The following MSRA variants were observed in gnomAD, a reference collection of about 807,000 sequenced individuals.
The protein encoded by MSRA is mitochondrial peptide methionine sulfoxide reductase.
Under a neutral mutation model 31.3 loss-of-function variants are expected in MSRA, and 54 were observed. That is an observed-to-expected ratio of 1.73 (90% CI 1.39 to 2.17). The LOEUF (loss-of-function observed/expected upper bound fraction) is 2.17. Among genes scored for constraint, MSRA ranks in the 30% most tolerant of loss-of-function variants. The pLI is 0.00. For missense variants in MSRA, 507 were observed against 300.9 expected, an observed-to-expected ratio of 1.69 and a Z score of -5.07; for synonymous variants, 169 against 116.5, an observed-to-expected ratio of 1.45 and a Z score of -2.90.
chr8:10,198,075 C>T (rs1050950823), intron 1 of MSRA, among the ~76,000 whole-genome samples: 1 of 151,764 alleles, frequency 6.6e-6, no homozygotes, highest in Admixed American at 6.6e-5. Context: ...AAAATATACC[C>T]GATAGGGGCT....
intron 1 of MSRA, among the ~76,000 whole-genome samples, chr8:10,104,125 G>A (rs1407649266): frequency 2.0e-5 from 3 of 152,074 alleles, no homozygotes; most frequent in Admixed American, 6.6e-5. Context: ...GTGGATGGGC[G>A]TTTAGGGATC....
At chr8:10,210,301 G>A (rs371923018) in intron 2 of MSRA, among the ~76,000 whole-genome samples, 1 of 152,318 alleles carries the variant, frequency 6.6e-6, no homozygotes, top group East Asian at 1.9e-4. Context: ...TTGAGCCCAA[G>A]TCTAATTGAC....
At chr8:10,151,191 C>T (rs1803636501) in intron 1 of MSRA, among the ~76,000 whole-genome samples, 1 of 147,974 alleles carries the variant, frequency 6.8e-6, no homozygotes, top group African/African-American at 2.5e-5. Context: ...CTTCACCTTC[C>T]TGGGGAGGCG....
In MSRA at chr8:10,305,409, C is replaced by CTTTTTTTTTTTT. The variant is rs549346544; in HGVS notation, c.436+3781_436+3792dup. Among the ~76,000 whole-genome samples, 303 of 122,908 alleles carry CTTTTTTTTTTTT rather than the reference C, an allele frequency of 2.5e-3. 7 individuals are homozygous for CTTTTTTTTTTTT. The highest frequency in any genetic ancestry group is 8.2e-3 in the African/African-American group (272 of 32,976). The allele number at this position is 122,908 out of a possible 152,430, so 80.6% of individuals were successfully genotyped here. The stretch of plus-strand genomic sequence containing the variant: ...GATGAAGTCCCCATGTGTTTTCTTC[C>CTTTTTTTTTTTT]TTTTTTTTTTTTTTTTTTTTTCCGG... On this transcript the variant is annotated intron_variant, in intron 4 of 5. Coordinates refer to ENST00000317173, the MANE Select transcript of MSRA (RefSeq NM_012331.5).
At chr8:10,151,692 G>A (rs573682267) in intron 1 of MSRA, among the ~76,000 whole-genome samples, 5 of 152,130 alleles carry the variant, frequency 3.3e-5, no homozygotes, top group Non-Finnish European at 7.4e-5. Context: ...CAGGAGAAAG[G>A]GCGTTGAGTG....
intron 1 of MSRA, among the ~76,000 whole-genome samples, chr8:10,100,463 G>C (rs181539565): frequency 1.3e-5 from 2 of 152,198 alleles, no homozygotes; most frequent in African/African-American, 4.8e-5. Flanking sequence ...GCAGGTATTG[G>C]GAGAAGGTCA....
At chr8:10,112,669 A>G (rs964586394) in intron 1 of MSRA, among the ~76,000 whole-genome samples, 2 of 152,384 alleles carry the variant, frequency 1.3e-5, no homozygotes. Context: ...AAGACATTCA[A>G]TTAAATATGC....
In MSRA at chr8:10,075,095, C is replaced by G. The variant is rs545814722; in HGVS notation, c.142+20437C>G. Among the ~76,000 whole-genome samples, 11 of 152,266 alleles carry G rather than the reference C, an allele frequency of 7.2e-5. No homozygotes were observed. The South Asian group carries it at 2.1e-3, about 29-fold the overall frequency. Reference sequence around the variant, plus strand: ...GGTATGCATTCATATTATTTGAAGACTTCATATATTGTCTTTTTATTTAAG... The same window carrying G: ...GGTATGCATTCATATTATTTGAAGAGTTCATATATTGTCTTTTTATTTAAG... On this transcript the variant is annotated intron_variant, in intron 1 of 5. Transcript: ENST00000317173.
At chr8:10,414,884 A>G (rs924164765) in intron 5 of MSRA, among the ~76,000 whole-genome samples, 14 of 152,246 alleles carry the variant, frequency 9.2e-5, no homozygotes, top group African/African-American at 2.4e-4. Flanking sequence ...AACCCCTCAG[A>G]GATCTATACA....
At chr8:10,081,434 C>A (rs1398978007) in intron 1 of MSRA, among the ~76,000 whole-genome samples, 1 of 152,214 alleles carries the variant, frequency 6.6e-6, no homozygotes, top group African/African-American at 2.4e-5. Flanking sequence ...ATGATTACTT[C>A]CGCCTCAAGG....
At chr8:10,160,490 A>C (rs7835070) in intron 1 of MSRA, among the ~76,000 whole-genome samples, 15,355 of 151,686 alleles carry the variant, frequency 0.1, 915 homozygotes, top group South Asian at 0.16. Context: ...GCGAGACTCC[A>C]TCTAAAAAAA....
At chr8:10,068,766 T>TC (rs1357736091) in intron 1 of MSRA, among the ~76,000 whole-genome samples, 1 of 152,150 alleles carries the variant, frequency 6.6e-6, no homozygotes, top group African/African-American at 2.4e-5. Context: ...ATTCTTTTTT[T>TC]CCCCCTTTCC....
At chr8:10,337,685 C>T (rs1311730141) in intron 5 of MSRA, 1 of 702,156 alleles carries the variant, frequency 1.4e-6, no homozygotes, top group Non-Finnish European at 2.6e-6. Flanking sequence ...CATCTTGAAC[C>T]TTATACTCCT....
chr8:10,151,870 C>T lies in MSRA; in HGVS notation c.143-55963C>T, dbSNP rs577147925. 3.3e-5 allele frequency among the ~76,000 whole-genome samples: 5 copies of T among 152,348 alleles called. No homozygotes were observed. The East Asian group carries it at 9.6e-4, about 29-fold the overall frequency. ...TCCACCCTTTAGTAAAGGCCAAGGT[C>T]ATTTAAAAGGTTACCTGGCCTTTTT... On this transcript the variant is annotated intron_variant, in intron 1 of 5. Transcript: ENST00000317173.
intron 5 of MSRA, 120 bp from the exon 6 acceptor site, chr8:10,428,028 A>T: frequency 1.9e-6 from 2 of 1,034,950 alleles, no homozygotes; most frequent in Non-Finnish European, 2.8e-6. Flanking sequence ...CCTAAAGGGG[A>T]CCCACTGCAC....
At chr8:10,088,747 G>C (rs1314340797) in intron 1 of MSRA, among the ~76,000 whole-genome samples, 1 of 152,004 alleles carries the variant, frequency 6.6e-6, no homozygotes, top group African/African-American at 2.4e-5. Context: ...GAAAAAAAAA[G>C]TCTATCAAGG....
At chr8:10,113,425 A>G (rs1800447728) in intron 1 of MSRA, among the ~76,000 whole-genome samples, 1 of 150,258 alleles carries the variant, frequency 6.7e-6, no homozygotes, top group Admixed American at 6.7e-5. Flanking sequence ...TTAGCCTGAA[A>G]GAGGAGGGGA....
chr8:10,241,222 G>T (rs1178086943), intron 2 of MSRA, among the ~76,000 whole-genome samples: 2 of 152,006 alleles, frequency 1.3e-5, no homozygotes, highest in African/African-American at 4.8e-5. Flanking sequence ...ATTAAACTAG[G>T]CTTCTTGGTG....
intron 1 of MSRA, among the ~76,000 whole-genome samples, chr8:10,084,005 C>G (rs1190432265): frequency 3.3e-5 from 5 of 152,132 alleles, no homozygotes; most frequent in African/African-American, 1.2e-4. Context: ...AAATTGAGGT[C>G]TTCGTATCAA....
Sources: gnomAD v4.1 joint callset for allele counts (sites outside exome capture counted in the v4.1 genomes callset) on GRCh38, gnomAD v4.1.1 for gene constraint, MANE v1.5 for transcripts, NCBI Gene and HGNC (gene_info 2026-07-23, HGNC 2026-07-21) for gene names.